Variants in KIF13A observed in about 807,000 individuals in gnomAD.
KIF13A encodes the protein kinesin family member 13A.
KIF13A carries 79 observed loss-of-function variants against 212.2 expected under a neutral mutation model. The ratio of observed to expected loss-of-function variants is 0.37; its 90% CI spans 0.31 to 0.45. The LOEUF is 0.45. Ranked by LOEUF, KIF13A falls within the 20% of genes least tolerant of loss-of-function variation. The pLI, the probability that KIF13A is intolerant of heterozygous loss-of-function variation, is 1.00. For synonymous variants in KIF13A, 789 were observed against 808.6 expected (o/e 0.98, Z 0.41); for missense variants, 1,901 against 2,209.0 (o/e 0.86, Z 2.79).
chr6:17,850,334 G>T lies in KIF13A; in HGVS notation c.706C>A (p.Leu236Met), dbSNP rs1767519911. The change falls in exon 8 of 39, where the codon CTG (leucine) becomes ATG (methionine). Residue 236 changes from leucine (L) to methionine (M), a missense_variant. Leu to Met is a conservative substitution (Grantham distance 15, BLOSUM62 2). Transcript: ENST00000259711. This position sits in a 1 kb window ranked among gnomAD's most constrained non-coding sequence, Gnocchi z 6.2. ...NIIITQTLYD[L>M]QSGNSGEKVS... is the part of the protein sequence containing the mutation. ...GCCTAATCCCTTACCCCAGACTGCA[G>T]GTCATAAAGTGTCTGTGTGATTATG... 1 of 1,613,214 alleles carries T rather than the reference G, an allele frequency of 6.2e-7. No individual in the cohort carries two copies. The highest frequency in any genetic ancestry group is 8.5e-7 in the Non-Finnish European group (1 of 1,179,562).
At chr6:17,956,155 T>C (rs1431554047) in intron 2 of KIF13A, among the ~76,000 whole-genome samples, 5 of 152,174 alleles carry the variant, frequency 3.3e-5, no homozygotes, top group Admixed American at 2.0e-4. Flanking sequence ...AAGATGCAGG[T>C]ATTATCATCC....
At chr6:17,788,354 A>G (rs1761233502) in intron 26 of KIF13A, among the ~76,000 whole-genome samples, 1 of 152,152 alleles carries the variant, frequency 6.6e-6, no homozygotes, top group Non-Finnish European at 1.5e-5. Context: ...TCAGCAGAGA[A>G]CTTTTCAAAC....
intron 25 of KIF13A, among the ~76,000 whole-genome samples, chr6:17,792,478 G>A (rs1761676447): frequency 6.6e-6 from 1 of 152,142 alleles, no homozygotes; most frequent in South Asian, 2.1e-4. Context: ...AGCTCAACTA[G>A]ACTTAAGAAC....
chr6:17,779,690 A>T lies in KIF13A; in HGVS notation c.3847-6T>A. 1 of 1,207,768 alleles carries T rather than the reference A, an allele frequency of 8.3e-7. No individual in the cohort carries two copies. The highest frequency in any genetic ancestry group is 1.2e-6 in the Non-Finnish European group (1 of 834,806). 74.8% of individuals were successfully genotyped at this position (1,207,768 alleles called of 1,614,324 possible). A position where few individuals can be genotyped will look rare whatever the true frequency, so the allele number is the denominator to read the frequency against. ...TTCAAACTCTGCGTGAAACTCTAGT[A>T]GAAAAAAAAAAAAGCTGTATTAAGC... On this transcript the variant is annotated splice_region_variant and splice_polypyrimidine_tract_variant and intron_variant, in intron 31 of 38. Coordinates refer to ENST00000259711, the MANE Select transcript of KIF13A (RefSeq NM_022113.6).
chr6:17,817,110 G>A lies in KIF13A; in HGVS notation c.1910C>T (p.Pro637Leu). Reference sequence around the variant, plus strand: ...GCCGCTACTCTGTGGCTGCCTGTCGGGGGAGAGCTGCTGGCGGAGTTGCTC... The same window carrying A: ...GCCGCTACTCTGTGGCTGCCTGTCGAGGGAGAGCTGCTGGCGGAGTTGCTC... ...ELEQLRQQLS[P>L]DRQPQSSGPD... The change falls in exon 17 of 39, where the codon CCC (proline) becomes CTC (leucine). Residue 637 changes from proline to leucine, a missense_variant. Pro to Leu is a moderately conservative substitution (Grantham distance 98, BLOSUM62 -3). Around this residue, in one of 5 missense-constraint regions of KIF13A, gnomAD observed 534 missense variants for 536.9 expected, o/e 0.99. Transcript: ENST00000259711. The A allele has an allele frequency of 1.2e-6, 2 of 1,614,010 alleles. No homozygotes were observed. Among genetic ancestry groups the A allele is most frequent in the East Asian group, 2.2e-5 (1 of 44,880 alleles).
intron 9 of KIF13A, among the ~76,000 whole-genome samples, chr6:17,848,503 T>C (rs549503500): frequency 6.6e-6 from 1 of 151,640 alleles, no homozygotes; most frequent in African/African-American, 2.4e-5. Flanking sequence ...ATGGTATTTG[T>C]GCCATTTTTG....
At position 17,951,360 on chromosome 6, in the gene KIF13A, G is replaced by A. The variant is rs1446716391; in HGVS notation, c.146+35694C>T. On this transcript the variant is annotated intron_variant, in intron 2 of 38. Coordinates refer to ENST00000259711, the MANE Select transcript of KIF13A (RefSeq NM_022113.6). The surrounding 1 kb of genome is among the most constrained non-coding windows in gnomAD (Gnocchi z 4.9). The stretch of plus-strand genomic sequence containing the variant: ...TGCAAAGGCTGGTCTTGAAATCCTC[G>A]GCTCAAGTGATCCTCTTGCCTTGGC... The A allele has an allele frequency of 6.2e-6, 4 of 640,472 alleles. No homozygotes were observed. The highest frequency in any genetic ancestry group is 2.4e-5 in the Admixed American group (1 of 42,430). The allele number at this position is 640,472 out of a possible 1,614,324, so 39.7% of individuals were successfully genotyped here.
chr6:17,870,427 G>A (rs944688076), intron 4 of KIF13A, among the ~76,000 whole-genome samples: 2 of 151,650 alleles, frequency 1.3e-5, no homozygotes, highest in African/African-American at 4.8e-5. Context: ...TTTATCATCT[G>A]TATGTAATGA....
intron 2 of KIF13A, among the ~76,000 whole-genome samples, chr6:17,981,092 C>T (rs541881279): frequency 2.0e-5 from 3 of 148,920 alleles, no homozygotes; most frequent in East Asian, 3.9e-4. Flanking sequence ...ACTGTGTATA[C>T]AGGTTAAGAA....
intron 2 of KIF13A, among the ~76,000 whole-genome samples, chr6:17,909,451 G>A (rs887803236): frequency 4.1e-5 from 6 of 145,400 alleles, no homozygotes; most frequent in Admixed American, 1.4e-4. Flanking sequence ...CAGGAGAATC[G>A]CTGAACCCAG....
intron 2 of KIF13A, among the ~76,000 whole-genome samples, chr6:17,977,131 A>G (rs1561831277): frequency 6.6e-6 from 1 of 151,392 alleles, no homozygotes; most frequent in Admixed American, 6.6e-5. Flanking sequence ...AAAAAAAAAA[A>G]AAAAAGAAAT....
At chr6:17,862,000 TTTTA>T (rs774927052) in intron 4 of KIF13A, among the ~76,000 whole-genome samples, 9 of 152,258 alleles carry the variant, frequency 5.9e-5, no homozygotes, top group Non-Finnish European at 8.8e-5. Flanking sequence ...TTTCTTCTAG[TTTTA>T]TTTTTGTTAT....
chr6:17,887,781 C>T (rs535979371), intron 3 of KIF13A, among the ~76,000 whole-genome samples: 116 of 152,210 alleles, frequency 7.6e-4, no homozygotes, highest in Non-Finnish European at 1.4e-3. Context: ...GCAACCTCTG[C>T]CTCCCAGGTT....
At chr6:17,882,228 C>A in intron 3 of KIF13A, 1 of 355,960 alleles carries the variant, frequency 2.8e-6, no homozygotes, top group Admixed American at 3.4e-5. Context: ...AAACTAACAC[C>A]CACTTGTTAC....
chr6:17,814,989 C>A (rs1321416373), intron 17 of KIF13A, among the ~76,000 whole-genome samples: 1 of 152,122 alleles, frequency 6.6e-6, no homozygotes, highest in Non-Finnish European at 1.5e-5. Context: ...CGGTAGTGGC[C>A]CCGAATGCCT....
Position 17,789,990 on chromosome 6 carries a change from A to T in KIF13A, c.3223-80T>A. The T allele has an allele frequency of 8.9e-7, 1 of 1,124,098 alleles. No individual in the cohort carries two copies. The highest frequency in any genetic ancestry group is 2.0e-5 in the Admixed American group (1 of 50,778). The allele number at this position is 1,124,098 out of a possible 1,614,324, so 69.6% of individuals were successfully genotyped here. ...CAGGGAAAATAATTATTTAAGCTTA[A>T]CACACATTAAAATGGACAGCTTACC... On this transcript the variant is annotated intron_variant, in intron 25 of 38. Coordinates refer to ENST00000259711, the MANE Select transcript of KIF13A (RefSeq NM_022113.6). This position sits in a 1 kb window ranked among gnomAD's most constrained non-coding sequence, Gnocchi z 4.8.
At chr6:17,940,303 C>T (rs973019459) in intron 2 of KIF13A, among the ~76,000 whole-genome samples, 3 of 152,080 alleles carry the variant, frequency 2.0e-5, no homozygotes, top group Non-Finnish European at 2.9e-5. Context: ...GCAGATTCTT[C>T]GATTCTGTAA....
intron 2 of KIF13A, among the ~76,000 whole-genome samples, chr6:17,903,908 T>C (rs1773266420): frequency 2.0e-5 from 3 of 151,338 alleles, no homozygotes; most frequent in African/African-American, 4.9e-5. Context: ...GGGAGGTGGT[T>C]AGGATCACTT....
intron 31 of KIF13A, among the ~76,000 whole-genome samples, chr6:17,780,511 C>T (rs925391032): frequency 2.6e-5 from 4 of 152,200 alleles, no homozygotes; most frequent in African/African-American, 9.6e-5. Context: ...TAGGATTACA[C>T]CTCTCCAATC....
Sources: allele counts gnomAD v4.1 joint callset (sites outside exome capture counted in the v4.1 genomes callset), GRCh38; gene constraint gnomAD v4.1.1; regional missense constraint gnomAD v4.1.1; non-coding constraint Gnocchi (gnomAD v3.1); transcripts MANE v1.5; gene names NCBI Gene and HGNC (gene_info 2026-07-23, HGNC 2026-07-21).